Variants in TYW1B observed in about 807,000 individuals in gnomAD.
TYW1B encodes tRNA-yW synthesizing protein 1 homolog B.
Under a neutral mutation model 86.9 loss-of-function variants are expected in TYW1B, and 73 were observed. That is an observed-to-expected ratio of 0.84 (90% CI 0.70 to 1.02). TYW1B has a LOEUF of 1.02. Among genes scored for constraint, TYW1B ranks in the 50% least tolerant of loss-of-function variants. The pLI is 0.00. For missense variants in TYW1B, 637 were observed against 827.4 expected, an observed-to-expected ratio of 0.77 and a Z score of 2.82; for synonymous variants, 248 against 292.8, an observed-to-expected ratio of 0.85 and a Z score of 1.56.
At chr7:72,816,319 T>G (rs1788721715) in intron 2 of TYW1B, among the ~76,000 whole-genome samples, 1 of 152,014 alleles carries the variant, frequency 6.6e-6, no homozygotes, top group African/African-American at 2.4e-5. Flanking sequence ...GAGGTTGCAG[T>G]GAGCCAAGAT....
chr7:72,658,689 A>G (rs1554444039), intron 11 of TYW1B, among the ~76,000 whole-genome samples: 1 of 152,244 alleles, frequency 6.6e-6, no homozygotes, highest in Non-Finnish European at 1.5e-5. Flanking sequence ...ATGTACAAAT[A>G]TACATCTACA....
intron 2 of TYW1B, among the ~76,000 whole-genome samples, chr7:72,821,209 A>C (rs1395239303): frequency 1.3e-5 from 2 of 152,142 alleles, no homozygotes; most frequent in South Asian, 2.1e-4. Context: ...CCTGACCTCA[A>C]GTGACCCACC....
In TYW1B at chr7:72,773,315, C is replaced by T. The variant is rs139157536; in HGVS notation, c.964+4101G>A. 5.9e-5 allele frequency among the ~76,000 whole-genome samples: 9 copies of T among 152,212 alleles called. No homozygotes were observed. The East Asian group carries it at 1.7e-3, about 29-fold the overall frequency. On this transcript the variant is annotated intron_variant, in intron 7 of 13. Coordinates refer to ENST00000620995, the MANE Select transcript of TYW1B (RefSeq NM_001145440.3). ...AAGATGGAGTAACAGAGAGGATTTA[C>T]AATCCTACTTGAAATACCAAAAAAT...
intron 10 of TYW1B, among the ~76,000 whole-genome samples, chr7:72,707,452 G>A (rs1554453899): frequency 1.3e-5 from 2 of 152,200 alleles, no homozygotes; most frequent in African/African-American, 2.4e-5. Context: ...TGAGATGGGT[G>A]GTTGCAGCAA....
At chr7:72,626,144 A>G (rs1490844273) in intron 12 of TYW1B, among the ~76,000 whole-genome samples, 40 of 151,486 alleles carry the variant, frequency 2.6e-4, no homozygotes, top group Admixed American at 5.9e-4. Context: ...AATTAAGTGC[A>G]ATTTCAAGAG....
At chr7:72,689,053 G>A (rs1814076967) in intron 11 of TYW1B, among the ~76,000 whole-genome samples, 2 of 152,246 alleles carry the variant, frequency 1.3e-5, no homozygotes, top group South Asian at 4.2e-4. Flanking sequence ...CTATGCCTGT[G>A]GATAGGGGTC....
At chr7:72,822,823 T>C (rs1234196237) in intron 2 of TYW1B, 7 of 152,030 alleles carry the variant, frequency 4.6e-5, no homozygotes, top group African/African-American at 1.7e-4. Context: ...AGACCCCATC[T>C]CTACAAAAAA....
chr7:72,655,696 A>C (rs1813184774), intron 11 of TYW1B, among the ~76,000 whole-genome samples: 1 of 152,186 alleles, frequency 6.6e-6, no homozygotes, highest in African/African-American at 2.4e-5. Flanking sequence ...CTACCTGCCT[A>C]GGGCCATAGT....
Position 72,585,516 on chromosome 7 carries a change from G to A in TYW1B, c.1786-9797C>T, listed in dbSNP as rs544426871. ...AAACTGCTTGATACAGTTTGGCTGT[G>A]TCTCCACCCAAATCTCATCTTGAAT... On this transcript the variant is annotated intron_variant, in intron 13 of 13. Transcript: ENST00000620995. Among the ~76,000 whole-genome samples, 3 of 152,276 alleles carry A rather than the reference G, an allele frequency of 2.0e-5. No homozygotes were observed. In the South Asian group the frequency reaches 6.2e-4, roughly 32 times the overall value.
At chr7:72,601,341 C>CA (rs564355064) in intron 13 of TYW1B, among the ~76,000 whole-genome samples, 10,917 of 137,316 alleles carry the variant, frequency 0.08, 955 homozygotes, top group African/African-American at 0.22. Context: ...AGCTAAACCT[C>CA]AAAAAAAAAA....
intron 9 of TYW1B, among the ~76,000 whole-genome samples, chr7:72,725,748 T>C (rs1430216603): frequency 6.6e-6 from 1 of 152,138 alleles, no homozygotes; most frequent in Non-Finnish European, 1.5e-5. Context: ...GAACTCCCAC[T>C]CTTCCCTGAG....
At chr7:72,644,405 G>A (rs530736512) in intron 11 of TYW1B, among the ~76,000 whole-genome samples, 1 of 152,122 alleles carries the variant, frequency 6.6e-6, no homozygotes, top group African/African-American at 2.4e-5. Flanking sequence ...AAAATGAGCT[G>A]GGCGTGGTGG....
intron 11 of TYW1B, among the ~76,000 whole-genome samples, chr7:72,637,222 T>C (rs573158066): frequency 1.2e-4 from 18 of 152,174 alleles, no homozygotes; most frequent in African/African-American, 4.1e-4. Flanking sequence ...TCCTGATGAC[T>C]GGTATCATCA....
chr7:72,820,438 A>G (rs1158743388), intron 2 of TYW1B, among the ~76,000 whole-genome samples: 9 of 152,204 alleles, frequency 5.9e-5, no homozygotes, highest in Admixed American at 2.0e-4. Flanking sequence ...TAACTATGTA[A>G]AGGAAAAACT....
intron 3 of TYW1B, among the ~76,000 whole-genome samples, chr7:72,813,347 T>C (rs1554478773): frequency 6.6e-6 from 1 of 152,116 alleles, no homozygotes; most frequent in Non-Finnish European, 1.5e-5. Flanking sequence ...AGCTAATTTT[T>C]GTATTTTTAG....
chr7:72,816,859 C>A (rs1788733529), intron 2 of TYW1B, among the ~76,000 whole-genome samples: 1 of 152,154 alleles, frequency 6.6e-6, no homozygotes, highest in African/African-American at 2.4e-5. Context: ...CCCTGCTCAA[C>A]CCCCACCCCT....
chr7:72,633,624 ATAGTC>A (rs1366874359), intron 11 of TYW1B, among the ~76,000 whole-genome samples: 1 of 152,172 alleles, frequency 6.6e-6, no homozygotes, highest in Non-Finnish European at 1.5e-5. Context: ...CTTTAACATA[ATAGTC>A]TAGTTTTTGC....
intron 9 of TYW1B, among the ~76,000 whole-genome samples, chr7:72,726,580 T>C (rs1554458769): frequency 6.6e-6 from 1 of 152,080 alleles, no homozygotes; most frequent in African/African-American, 2.4e-5. Flanking sequence ...GCCAGGCTGG[T>C]CTCAAACTCC....
At chr7:72,734,841 C>G (rs1265654823) in intron 8 of TYW1B, among the ~76,000 whole-genome samples, 4 of 75,778 alleles carry the variant, frequency 5.3e-5, no homozygotes, top group Non-Finnish European at 1.5e-4. Context: ...ATACAAGTAG[C>G]AAACAAATAC....
Sources: gnomAD v4.1 joint callset for allele counts (sites outside exome capture counted in the v4.1 genomes callset) on GRCh38, gnomAD v4.1.1 for gene constraint, MANE v1.5 for transcripts, NCBI Gene and HGNC (gene_info 2026-07-23, HGNC 2026-07-21) for gene names.